The following STAB2 variants were observed in gnomAD, a reference collection of about 807,000 sequenced individuals.
STAB2 encodes stabilin 2, also known as stabilin-2.
A neutral mutation model predicts 338.1 loss-of-function variants in STAB2; 288 were observed. The observed-to-expected ratio is 0.85, with a 90% CI of 0.77 to 0.94. The LOEUF (loss-of-function observed/expected upper bound fraction) is 0.94, where lower values mean the gene tolerates loss of function less well. Ranked by LOEUF, STAB2 falls within the 40% of genes least tolerant of loss-of-function variation. The pLI is 0.00. For synonymous variants in STAB2, 1,202 were observed against 1,193.3 expected, an observed-to-expected ratio of 1.01 and a Z score of -0.15; for missense variants, 3,141 against 3,210.1, an observed-to-expected ratio of 0.98 and a Z score of 0.52.
At chr12:103,635,447 A>C (rs969977479) in intron 6 of STAB2, among the ~76,000 whole-genome samples, 2 of 152,174 alleles carry the variant, frequency 1.3e-5, no homozygotes, top group Non-Finnish European at 2.9e-5. Flanking sequence ...TCTTAGCCCC[A>C]CATGGTTTCT....
intron 39 of STAB2, among the ~76,000 whole-genome samples, chr12:103,710,499 T>C (rs1316916184): frequency 6.6e-6 from 1 of 152,176 alleles, no homozygotes; most frequent in South Asian, 2.1e-4. Context: ...CCTCCCTCTG[T>C]GACCAGCCAG....
intron 15 of STAB2, among the ~76,000 whole-genome samples, chr12:103,659,671 T>C (rs1288717218): frequency 6.6e-6 from 1 of 152,208 alleles, no homozygotes; most frequent in African/African-American, 2.4e-5. Flanking sequence ...GGGCACCCTA[T>C]AGGGGCTGCT....
intron 59 of STAB2, among the ~76,000 whole-genome samples, chr12:103,750,322 G>A (rs1883513421): frequency 6.6e-6 from 1 of 152,194 alleles, no homozygotes; most frequent in South Asian, 2.1e-4. Context: ...AGAAGGGAAT[G>A]GAAAAGCTAC....
In STAB2 at chr12:103,652,712, G is replaced by T. The variant is rs372063223; in HGVS notation, c.1407+7G>T. 1 of 1,570,862 alleles carries T rather than the reference G, an allele frequency of 6.4e-7. No homozygotes were observed. ...AATCTTCAACAGCGATAAGGTAAGG[G>T]TTCCTCTGATTTTCACTCCCAGAAC... On this transcript the variant is annotated splice_region_variant and intron_variant, in intron 12 of 68. Coordinates refer to ENST00000388887, the MANE Select transcript of STAB2 (RefSeq NM_017564.10).
chr12:103,600,622 C>T (rs764495568), intron 3 of STAB2, among the ~76,000 whole-genome samples: 1 of 152,230 alleles, frequency 6.6e-6, no homozygotes, highest in Non-Finnish European at 1.5e-5. Flanking sequence ...GAGACACAAA[C>T]ATTCAGGCCA....
Position 103,730,223 on chromosome 12 carries a change from T to C in STAB2, c.5190T>C (p.Leu1730=). Residue 1730 remains leucine, a synonymous_variant, in exon 49 of 69, where the codon CTT becomes CTC. Coordinates refer to ENST00000388887, the MANE Select transcript of STAB2 (RefSeq NM_017564.10). ...AATTGCTATCTCCCAAAAATTTGCT[T>C]ATCACTCCCAAAGACAACTCTGGAA... The part of the protein sequence containing the change: ...IDKLLSPKNL[L]ITPKDNSGRI... 6.2e-7 allele frequency: 1 copy of C among 1,613,714 alleles called. No homozygotes were observed. Among genetic ancestry groups the C allele is most frequent in the African/African-American group, 1.3e-5 (1 of 75,044 alleles).
chr12:103,690,910 A>G (rs1046699388), intron 30 of STAB2, among the ~76,000 whole-genome samples: 1 of 152,262 alleles, frequency 6.6e-6, no homozygotes, highest in Admixed American at 6.5e-5. Context: ...ATGAAATTGA[A>G]TCTTTATAGA....
At chr12:103,698,635 C>G (rs1194743736) in intron 33 of STAB2, among the ~76,000 whole-genome samples, 2 of 152,122 alleles carry the variant, frequency 1.3e-5, no homozygotes, top group Non-Finnish European at 2.9e-5. Context: ...CACCAAGAGG[C>G]AGCTCACCAG....
intron 33 of STAB2, among the ~76,000 whole-genome samples, chr12:103,698,694 C>T (rs151149072): frequency 1.4e-4 from 21 of 152,262 alleles, no homozygotes; most frequent in African/African-American, 4.1e-4. Context: ...CCTATCTCCA[C>T]GAGACACAGA....
In STAB2 at chr12:103,761,295, C is replaced by T. The variant is rs1884519576; in HGVS notation, c.7249-5C>T. ...AAGCCATCAACCCTCTTCTCATTTC[C>T]CTAGACGGAGACCAGGTTTGTTGAT... On this transcript the variant is annotated splice_polypyrimidine_tract_variant and splice_region_variant and intron_variant, in intron 65 of 68. Transcript: ENST00000388887. The T allele has an allele frequency of 2.5e-6, 4 of 1,613,726 alleles. No homozygotes were observed. The highest frequency in any genetic ancestry group is 3.3e-4 in the Middle Eastern group (2 of 6,060).
intron 5 of STAB2, among the ~76,000 whole-genome samples, chr12:103,626,999 C>T (rs1957390560): frequency 6.6e-6 from 1 of 152,190 alleles, no homozygotes; most frequent in African/African-American, 2.4e-5. Context: ...AGAAGAGTCA[C>T]TAGTATTTGC....
chr12:103,709,128 C>A (rs890793315), intron 39 of STAB2, among the ~76,000 whole-genome samples: 3 of 152,098 alleles, frequency 2.0e-5, no homozygotes, highest in Non-Finnish European at 4.4e-5. Context: ...TCTGAGAGGC[C>A]CATTTCCTTC....
chr12:103,765,971 T>G (rs981944351), intron 68 of STAB2: 1 of 462,546 alleles, frequency 2.2e-6, no homozygotes, highest in African/African-American at 2.0e-5. Context: ...CCTTGCTAAA[T>G]GTAGGCTCTA....
chr12:103,702,017 CA>C (rs1207265420), intron 34 of STAB2, among the ~76,000 whole-genome samples: 3 of 142,006 alleles, frequency 2.1e-5, no homozygotes, highest in Non-Finnish European at 4.6e-5. Context: ...CACACACACA[CA>C]CACACCCCAC....
At chr12:103,714,107 T>C (rs1399395639) in intron 42 of STAB2, among the ~76,000 whole-genome samples, 1 of 152,374 alleles carries the variant, frequency 6.6e-6, no homozygotes, top group East Asian at 1.9e-4. Flanking sequence ...ACTCTGAAGA[T>C]AGTGCTCTTA....
At chr12:103,646,731 T>C (rs116056113) in intron 9 of STAB2, among the ~76,000 whole-genome samples, 1 of 152,302 alleles carries the variant, frequency 6.6e-6, no homozygotes, top group African/African-American at 2.4e-5. Context: ...AATCAGTAAA[T>C]AATCAGTTAA....
intron 44 of STAB2, among the ~76,000 whole-genome samples, chr12:103,723,647 T>C (rs965663064): frequency 2.6e-5 from 4 of 152,206 alleles, no homozygotes; most frequent in African/African-American, 9.7e-5. Flanking sequence ...TCTCAGGCAA[T>C]GCACCGCCAG....
At chr12:103,685,455 C>CGCGT (rs1162901911) in intron 27 of STAB2, among the ~76,000 whole-genome samples, 3 of 131,958 alleles carry the variant, frequency 2.3e-5, no homozygotes, top group Non-Finnish European at 5.0e-5. Flanking sequence ...TGTGTGTGTG[C>CGCGT]GCGTGCGTGT....
intron 38 of STAB2, 27 bp from the exon 39 acceptor site, chr12:103,708,414 C>A: frequency 6.2e-7 from 1 of 1,607,912 alleles, no homozygotes; most frequent in Non-Finnish European, 8.5e-7. Flanking sequence ...TAGAATCTGA[C>A]GATTTGCAGG....
Sources: gnomAD v4.1 joint callset for allele counts (sites outside exome capture counted in the v4.1 genomes callset) on GRCh38, gnomAD v4.1.1 for gene constraint, MANE v1.5 for transcripts, NCBI Gene and HGNC (gene_info 2026-07-23, HGNC 2026-07-21) for gene names.